The following TRPV3 variants were observed in gnomAD, a reference collection of about 807,000 sequenced individuals.
TRPV3 encodes the protein VRL-3.
Under a neutral mutation model 87.1 loss-of-function variants are expected in TRPV3, and 88 were observed. The ratio of observed to expected loss-of-function variants is 1.01; its 90% CI spans 0.85 to 1.21. The LOEUF (loss-of-function observed/expected upper bound fraction) is 1.21. Among genes scored for constraint, TRPV3 ranks in the 50% most tolerant of loss-of-function variants. The pLI, the probability that TRPV3 is intolerant of heterozygous loss-of-function variation, is 0.00. For synonymous variants in TRPV3, 438 were observed against 423.3 expected (o/e 1.03, Z -0.43); for missense variants, 1,054 against 1,030.1 (o/e 1.02, Z -0.32).
At chr17:3,529,210 G>A (rs562795168) in intron 9 of TRPV3, among the ~76,000 whole-genome samples, 139 of 152,220 alleles carry the variant, frequency 9.1e-4, no homozygotes, top group South Asian at 2.1e-3. Context: ...GCAGGAGCCC[G>A]GGCTTGCAGC....
At position 3,516,502 on chromosome 17, in the gene TRPV3, C is replaced by G; in HGVS notation, c.2153G>C (p.Gly718Ala). Residue 718 changes from glycine to alanine, a missense_variant, in exon 16 of 18, where the codon GGA becomes GCA. Physicochemically the swap from Gly to Ala is moderately conservative, Grantham distance 60. Transcript: ENST00000576742. ...ATCCTCGGCCACTTTGCACAGCTCTCCCATCCGGAATCTGCTCCTCAGCCA... is the reference window on the plus strand; with the variant it reads ...ATCCTCGGCCACTTTGCACAGCTCTGCCATCCGGAATCTGCTCCTCAGCCA... ...PEWLRSRFRM[G>A]ELCKVAEDDF... 6.2e-7 allele frequency: 1 copy of G among 1,614,136 alleles called. No homozygotes were observed. The highest frequency in any genetic ancestry group is 1.1e-5 in the South Asian group (1 of 91,082).
intron 6 of TRPV3, among the ~76,000 whole-genome samples, chr17:3,536,903 A>G (rs1193281285): frequency 6.6e-6 from 1 of 152,220 alleles, no homozygotes; most frequent in African/African-American, 2.4e-5. Context: ...ATGCACCAAC[A>G]GAAACAGCAG....
chr17:3,520,243 C>T (rs1434964720), intron 14 of TRPV3, among the ~76,000 whole-genome samples: 7 of 152,084 alleles, frequency 4.6e-5, no homozygotes, highest in South Asian at 4.1e-4. Flanking sequence ...GAAATACAAC[C>T]AGATCGTGCT....
chr17:3,523,718 C>CAAAAAAA (rs201681037), intron 13 of TRPV3, among the ~76,000 whole-genome samples: 2 of 78,638 alleles, frequency 2.5e-5, no homozygotes, highest in African/African-American at 5.3e-5. Flanking sequence ...ACTTGGTCTC[C>CAAAAAAA]AAAAAAAAAA....
At chr17:3,532,632 G>C in intron 8 of TRPV3, 25 bp downstream of exon 8, 1 of 1,610,688 alleles carries the variant, frequency 6.2e-7, no homozygotes, top group Non-Finnish European at 8.5e-7. Context: ...CCGACCTCCT[G>C]CCTCCCCACG....
chr17:3,556,186 GA>G lies in TRPV3; in HGVS notation c.-2-1335del, dbSNP rs386364863. Among the ~76,000 whole-genome samples, 11,024 of 139,700 alleles carry G rather than the reference GA, an allele frequency of 0.079. 598 individuals carry two copies. Among genetic ancestry groups the G allele is most frequent in the African/African-American group, 0.17 (6,216 of 36,484 alleles). The allele number at this position is 139,700 out of a possible 152,430, so 91.6% of individuals were successfully genotyped here. A position where few individuals can be genotyped will look rare whatever the true frequency, so the allele number is the denominator to read the frequency against. ...AGCGAGACTCCGTCTCAAAAAAAAT[GA>G]AAAAAAAAAAAAATAAAGTTTTTAT... On this transcript the variant is annotated intron_variant, in intron 1 of 17. Transcript: ENST00000576742. The surrounding 1 kb of genome is among the most constrained non-coding windows in gnomAD (Gnocchi z 4.2).
At chr17:3,534,982 A>G (rs2074385469) in intron 7 of TRPV3, among the ~76,000 whole-genome samples, 1 of 151,122 alleles carries the variant, frequency 6.6e-6, no homozygotes, top group Non-Finnish European at 1.5e-5. Flanking sequence ...CTCCTCCCCC[A>G]ACACCTCCTC....
At chr17:3,524,395 A>G in intron 12 of TRPV3, 32 bp from the exon 13 acceptor site, 1 of 1,611,300 alleles carries the variant, frequency 6.2e-7, no homozygotes, top group Non-Finnish European at 8.5e-7. Context: ...CACGGGCCTT[A>G]CTTACTTCTC....
chr17:3,552,074 A>G (rs1016411217), intron 2 of TRPV3: 4 of 150,206 alleles, frequency 2.7e-5, no homozygotes, highest in African/African-American at 9.8e-5. Context: ...TTTAGTAGAA[A>G]TGGGGTTTCA....
In TRPV3 at chr17:3,556,694, G is replaced by A. The variant is rs1044010508; in HGVS notation, c.-3+982C>T. ...GGCTCAGGATGGAGGAGGCATCGGC[G>A]AGGGAGAGCTTTGGCCCTGGAGCGT... is the stretch of plus-strand genomic sequence containing the variant. On this transcript the variant is annotated intron_variant, in intron 1 of 17. Coordinates refer to ENST00000576742, the MANE Select transcript of TRPV3 (RefSeq NM_145068.4). The surrounding 1 kb of genome is among the most constrained non-coding windows in gnomAD (Gnocchi z 4.2). Among the ~76,000 whole-genome samples the A allele has an allele frequency of 2.6e-5, 4 of 152,150 alleles. No homozygotes were observed. The highest frequency in any genetic ancestry group is 9.7e-5 in the African/African-American group (4 of 41,418).
intron 2 of TRPV3, 126 bp downstream of exon 2, chr17:3,554,606 G>A (rs1054252734): frequency 2.8e-5 from 19 of 688,754 alleles, no homozygotes; most frequent in Admixed American, 1.7e-4. Context: ...GCCGGGCACC[G>A]GGCCACCCCG....
intron 2 of TRPV3, chr17:3,546,777 A>ACCAGCCT: frequency 2.3e-6 from 1 of 430,386 alleles, no homozygotes; most frequent in Non-Finnish European, 4.7e-6. Flanking sequence ...CAGGAGTTTG[A>ACCAGCCT]GGCCAATGCG....
Position 3,542,650 on chromosome 17 carries a change from A to G in TRPV3, c.515T>C (p.Leu172Pro). 6.2e-7 allele frequency: 1 copy of G among 1,614,124 alleles called. No individual in the cohort carries two copies. The highest frequency in any genetic ancestry group is 1.1e-5 in the South Asian group (1 of 91,070). The change falls in exon 6 of 18, where the codon CTG (leucine) becomes CCG (proline). Residue 172 changes from leucine to proline, a missense_variant. Coordinates refer to ENST00000576742, the MANE Select transcript of TRPV3 (RefSeq NM_145068.4). ...LTASDTGKTC[L>P]MKALLNINPN... is the part of the protein sequence containing the mutation. Reference sequence around the variant, plus strand: ...GTTGATGTTTAACAAGGCCTTCATCAGGCAGGTCTTCCCCGTGTCGGAGGC... The same window carrying G: ...GTTGATGTTTAACAAGGCCTTCATCGGGCAGGTCTTCCCCGTGTCGGAGGC...
chr17:3,546,414 T>C (rs393492), intron 2 of TRPV3, among the ~76,000 whole-genome samples: 46,273 of 151,056 alleles, frequency 0.31, 7,619 homozygotes, highest in Middle Eastern at 0.39. Flanking sequence ...TGCACTCCAG[T>C]CTGGGCGACA....
chr17:3,535,197 C>T (rs1294692093), intron 7 of TRPV3, among the ~76,000 whole-genome samples: 12 of 139,246 alleles, frequency 8.6e-5, no homozygotes, highest in Non-Finnish European at 1.3e-4. Context: ...CCTCCCTCTC[C>T]CTCCTCCTTC....
intron 6 of TRPV3, chr17:3,539,697 CTG>C (rs1307203959): frequency 6.6e-6 from 1 of 151,432 alleles, no homozygotes; most frequent in Non-Finnish European, 1.5e-5. Context: ...TAAAAAGAAA[CTG>C]TTATATTGAA....
At position 3,530,976 on chromosome 17, in the gene TRPV3, A is replaced by T. The variant is rs985462375; in HGVS notation, c.1066-773T>A. On this transcript the variant is annotated intron_variant, in intron 8 of 17. Transcript: ENST00000576742. This position sits in a 1 kb window ranked among gnomAD's most constrained non-coding sequence, Gnocchi z 4.0. The stretch of plus-strand genomic sequence containing the variant: ...GAGGCTGAGGCAGGAGAGTCGCTTG[A>T]ACCTGGGAGGTGGAGGTTGCCGTGA... Among the ~76,000 whole-genome samples, 1 of 152,014 alleles carries T rather than the reference A, an allele frequency of 6.6e-6. No homozygotes were observed. The highest frequency in any genetic ancestry group is 1.5e-5 in the Non-Finnish European group (1 of 67,978).
At chr17:3,529,136 C>T in intron 9 of TRPV3, 141 bp from the exon 10 acceptor site, 2 of 1,020,872 alleles carry the variant, frequency 2.0e-6, no homozygotes, top group East Asian at 2.4e-5. Context: ...GTTGGAAATG[C>T]TGGGAGGGTG....
chr17:3,525,643 G>A (rs1427363157), intron 12 of TRPV3, among the ~76,000 whole-genome samples: 2 of 141,784 alleles, frequency 1.4e-5, no homozygotes, highest in Admixed American at 7.1e-5. Context: ...TTTTTGAGAT[G>A]TAGTCTCACT....
Sources: gnomAD v4.1 joint callset for allele counts (sites outside exome capture counted in the v4.1 genomes callset) on GRCh38, gnomAD v4.1.1 for gene constraint, Gnocchi (gnomAD v3.1) non-coding constraint, MANE v1.5 for transcripts, NCBI Gene and HGNC (gene_info 2026-07-23, HGNC 2026-07-21) for gene names.